The following MID1 variants were observed in gnomAD, a reference collection of about 807,000 sequenced individuals.
MID1 encodes midline 1.
MID1 carries 7 observed loss-of-function variants against 40.4 expected under a neutral mutation model. The observed-to-expected ratio is 0.17, with a 90% CI of 0.10 to 0.33. The LOEUF (loss-of-function observed/expected upper bound fraction) is 0.33, where lower values mean the gene tolerates loss of function less well. Among genes scored for constraint, MID1 ranks in the 10% least tolerant of loss-of-function variants. The pLI, the probability that MID1 is intolerant of heterozygous loss-of-function variation, is 1.00. For synonymous variants in MID1, 229 were observed against 221.2 expected, an observed-to-expected ratio of 1.04 and a Z score of -0.31; for missense variants, 367 against 558.5, an observed-to-expected ratio of 0.66 and a Z score of 3.46.
intron 3 of MID1, among the ~76,000 whole-genome samples, chrX:10,502,255 ACT>A (rs1931585442): frequency 8.9e-6 from 1 of 112,039 alleles, no homozygotes; most frequent in Non-Finnish European, 1.9e-5. Flanking sequence ...CATTTTAGAA[ACT>A]CTCATTTTCT....
intron 1 of MID1, among the ~76,000 whole-genome samples, chrX:10,659,374 C>T (rs926675651): frequency 9.0e-6 from 1 of 111,250 alleles, no homozygotes; most frequent in African/African-American, 3.3e-5. Context: ...CAGAAATCAA[C>T]GAAGGGGAAC....
At chrX:10,562,750 T>C (rs1233329348) in intron 2 of MID1, among the ~76,000 whole-genome samples, 1 of 106,798 alleles carries the variant, frequency 9.4e-6, no homozygotes. Context: ...TAAAATATTT[T>C]GAGTGATGGG....
intron 2 of MID1, among the ~76,000 whole-genome samples, chrX:10,531,707 T>C (rs1932978595): frequency 8.9e-6 from 1 of 112,412 alleles, no homozygotes; most frequent in African/African-American, 3.2e-5. Context: ...AGAAGAGCTT[T>C]TATTTTAATG....
intron 1 of MID1, among the ~76,000 whole-genome samples, chrX:10,590,576 T>C (rs1235593187): frequency 9.0e-6 from 1 of 111,682 alleles, no homozygotes; most frequent in Non-Finnish European, 1.9e-5. Flanking sequence ...AACTGTTTAT[T>C]TGGAGACTTG....
At chrX:10,644,902 G>A (rs1354855725) in intron 1 of MID1, among the ~76,000 whole-genome samples, 10 of 111,785 alleles carry the variant, frequency 8.9e-5, no homozygotes, top group African/African-American at 3.3e-4. Flanking sequence ...AATTCCACTG[G>A]GACTTTTATT....
chrX:10,820,323 T>C (rs1166173419), intron 1 of MID1, among the ~76,000 whole-genome samples: 5 of 112,086 alleles, frequency 4.5e-5, no homozygotes, highest in Non-Finnish European at 9.4e-5. Flanking sequence ...AGCAGTCTTA[T>C]ATTCAGTCAC....
chrX:10,649,262 A>C (rs764656247), intron 1 of MID1, among the ~76,000 whole-genome samples: 3 of 111,873 alleles, frequency 2.7e-5, no homozygotes, highest in Non-Finnish European at 5.6e-5. Flanking sequence ...ACTAAAGAGA[A>C]AGCCCATTAA....
At chrX:10,799,764 C>T (rs1602584943) in intron 1 of MID1, among the ~76,000 whole-genome samples, 1 of 111,844 alleles carries the variant, frequency 8.9e-6, no homozygotes, top group Non-Finnish European at 1.9e-5. Flanking sequence ...GGTACTTTTC[C>T]TATATACTTA....
chrX:10,486,009 T>G (rs1273834404), intron 4 of MID1, among the ~76,000 whole-genome samples: 1 of 111,825 alleles, frequency 8.9e-6, no homozygotes, highest in East Asian at 2.8e-4. Flanking sequence ...TTTAGCTCTT[T>G]GTGTGTTGAC....
At position 10,495,634 on chromosome X, in the gene MID1, T is replaced by C; in HGVS notation, c.814A>G (p.Ile272Val). 8.3e-7 allele frequency: 1 copy of C among 1,210,877 alleles called. No individual in the cohort carries two copies. Among genetic ancestry groups the C allele is most frequent in the Non-Finnish European group, 1.1e-6 (1 of 894,808 alleles). The change falls in exon 4 of 10, where the codon ATC (isoleucine) becomes GTC (valine). Residue 272 changes from isoleucine (I) to valine (V), a missense_variant. Around this residue, in one of 3 missense-constraint regions of MID1, gnomAD observed 275 missense variants for 383.1 expected, o/e 0.72. Transcript: ENST00000317552. ...LTEECDLLIEIIQQRRQIIGT... is the reference protein window; with the variant it reads ...LTEECDLLIEVIQQRRQIIGT... ...ATAATCTGTCGTCTTTGCTGAATGATCTCAATGAGAAGATCACACTCCTCT... is the reference window on the plus strand; with the variant it reads ...ATAATCTGTCGTCTTTGCTGAATGACCTCAATGAGAAGATCACACTCCTCT...
chrX:10,613,792 G>GAC (rs1402711084), intron 1 of MID1, among the ~76,000 whole-genome samples: 5 of 95,566 alleles, frequency 5.2e-5, no homozygotes, highest in African/African-American at 1.6e-4. Context: ...CAGACAGACA[G>GAC]AGAGAGACTA....
chrX:10,519,844 T>G (rs1302469239), intron 3 of MID1, among the ~76,000 whole-genome samples: 2 of 112,150 alleles, frequency 1.8e-5, no homozygotes, highest in Non-Finnish European at 3.8e-5. Flanking sequence ...CTAACTCATG[T>G]GTTTCTCTTA....
chrX:10,624,667 G>A (rs1331688535), upstream of MID1, among the ~76,000 whole-genome samples: 2 of 111,801 alleles, frequency 1.8e-5, no homozygotes, highest in Non-Finnish European at 3.8e-5. Flanking sequence ...CTGGAGTGCA[G>A]TGGCATAATC....
chrX:10,753,869 A>G (rs2043614582), intron 1 of MID1, among the ~76,000 whole-genome samples: 1 of 112,392 alleles, frequency 8.9e-6, no homozygotes, highest in African/African-American at 3.2e-5. Context: ...AGCTACAATT[A>G]TAAAAATAAT....
intron 2 of MID1, among the ~76,000 whole-genome samples, chrX:10,542,617 T>C (rs1186299791): frequency 8.9e-6 from 1 of 112,063 alleles, no homozygotes; most frequent in Non-Finnish European, 1.9e-5. Flanking sequence ...ATGTAAAAAA[T>C]GACCATAGAT....
At chrX:10,590,168 T>G (rs1345338569) in intron 1 of MID1, among the ~76,000 whole-genome samples, 2 of 111,391 alleles carry the variant, frequency 1.8e-5, no homozygotes. Flanking sequence ...GGGGTGGAAT[T>G]TTAACTACCA....
At chrX:10,708,742 G>A (rs981229435) in intron 1 of MID1, among the ~76,000 whole-genome samples, 7 of 111,599 alleles carry the variant, frequency 6.3e-5, no homozygotes, top group Non-Finnish European at 1.1e-4. Context: ...ACTGGCTTTC[G>A]TTTTCTCTAT....
At chrX:10,685,205 G>C (rs890315929) in intron 1 of MID1, among the ~76,000 whole-genome samples, 1 of 111,569 alleles carries the variant, frequency 9.0e-6, no homozygotes. Flanking sequence ...ATACTATAAA[G>C]TATTAATTTT....
At chrX:10,613,750 G>C (rs1602471145) in intron 1 of MID1, among the ~76,000 whole-genome samples, 1 of 85,819 alleles carries the variant, frequency 1.2e-5, no homozygotes, top group Non-Finnish European at 2.2e-5. Context: ...GAGAGAGAGA[G>C]AGAGAGAGAG....
Sources: gnomAD v4.1 joint callset for allele counts (sites outside exome capture counted in the v4.1 genomes callset) on GRCh38, gnomAD v4.1.1 for gene constraint, gnomAD v4.1.1 regional missense constraint, MANE v1.5 for transcripts, NCBI Gene and HGNC (gene_info 2026-07-23, HGNC 2026-07-21) for gene names.